The following DRC2 variants were observed in gnomAD, a reference collection of about 807,000 sequenced individuals.
DRC2 encodes dynein regulatory complex subunit 2.
chr12:48,913,023 G>A, the DRC2 span, among the ~76,000 whole-genome samples: 1 of 150,222 alleles, frequency 6.7e-6, no homozygotes, highest in Non-Finnish European at 1.5e-5. Context: ...TGTAGTCCCA[G>A]CTACTTGGGA....
At chr12:48,921,451 T>C in the DRC2 span, 14 of 1,600,548 alleles carry the variant, frequency 8.7e-6, no homozygotes, top group South Asian at 1.4e-4. Context: ...TAAAATATAA[T>C]TGAAGCAGCC....
At chr12:48,915,933 G>T in the DRC2 span, among the ~76,000 whole-genome samples, 23 of 150,896 alleles carry the variant, frequency 1.5e-4, 1 homozygote, top group Admixed American at 6.6e-5. Context: ...GGTGGCGGCC[G>T]GGCAGAGGCG....
At chr12:48,918,912 G>T in the DRC2 span, 1 of 1,344,304 alleles carries the variant, frequency 7.4e-7, no homozygotes, top group Non-Finnish European at 9.9e-7. Flanking sequence ...AGGTAACACA[G>T]GGGAGAGGAC....
At chr12:48,914,682 T>A in the DRC2 span, 5 of 998,706 alleles carry the variant, frequency 5.0e-6, no homozygotes, top group Non-Finnish European at 7.3e-6. Flanking sequence ...CATCCCACAT[T>A]GATTATCACG....
At chr12:48,905,708 T>A in the DRC2 span, among the ~76,000 whole-genome samples, 22 of 152,318 alleles carry the variant, frequency 1.4e-4, no homozygotes, top group Middle Eastern at 3.4e-3. Flanking sequence ...TCTGTACCCC[T>A]TCTTTTGTCT....
the DRC2 span, among the ~76,000 whole-genome samples, chr12:48,904,766 C>A: frequency 6.6e-6 from 1 of 152,200 alleles, no homozygotes; most frequent in African/African-American, 2.4e-5. Flanking sequence ...TAGGTCATTA[C>A]AAACAACATC....
At chr12:48,918,271 C>G in the DRC2 span, 1 of 1,613,432 alleles carries the variant, frequency 6.2e-7, no homozygotes, top group Non-Finnish European at 8.5e-7. Flanking sequence ...GGGTCACTTG[C>G]TAGAATTTAG....
chr12:48,918,324 A>G, the DRC2 span: 2 of 1,614,216 alleles, frequency 1.2e-6, no homozygotes, highest in Admixed American at 1.7e-5. Flanking sequence ...AACAGAGTAG[A>G]AGATCTGTGG....
the DRC2 span, chr12:48,918,759 T>C: frequency 6.2e-7 from 1 of 1,614,076 alleles, no homozygotes; most frequent in East Asian, 2.2e-5. Context: ...GGTATATCCG[T>C]AATGACAAGG....
the DRC2 span, chr12:48,921,350 C>T: frequency 1.2e-6 from 2 of 1,614,162 alleles, no homozygotes; most frequent in East Asian, 2.2e-5. Context: ...GCCAGCTCAA[C>T]CCACTCTTTA....
At chr12:48,914,854 TTTTTA>T in the DRC2 span, among the ~76,000 whole-genome samples, 3 of 152,008 alleles carry the variant, frequency 2.0e-5, no homozygotes, top group Admixed American at 2.0e-4. Context: ...TTGTTTTATT[TTTTTA>T]TTTTGTTTTG....
the DRC2 span, among the ~76,000 whole-genome samples, chr12:48,909,167 C>T: frequency 6.6e-6 from 1 of 151,844 alleles, no homozygotes; most frequent in African/African-American, 2.4e-5. Context: ...CCTCAGCCTC[C>T]CAAGTAGCTG....
At chr12:48,909,357 A>G in the DRC2 span, among the ~76,000 whole-genome samples, 1 of 152,056 alleles carries the variant, frequency 6.6e-6, no homozygotes, top group Non-Finnish European at 1.5e-5. Context: ...GCCTACCTGT[A>G]CTTTTCATAG....
At chr12:48,917,513 T>C in the DRC2 span, among the ~76,000 whole-genome samples, 4 of 151,516 alleles carry the variant, frequency 2.6e-5, no homozygotes, top group Non-Finnish European at 4.4e-5. Context: ...CTACTAGAAG[T>C]AGAAGAGACC....
chr12:48,905,791 G>C, the DRC2 span, among the ~76,000 whole-genome samples: 1 of 151,638 alleles, frequency 6.6e-6, no homozygotes, highest in Non-Finnish European at 1.5e-5. Context: ...TTATTTATTT[G>C]ACATGGAGTC....
the DRC2 span, chr12:48,914,490 C>T: frequency 1.2e-6 from 2 of 1,614,154 alleles, no homozygotes; most frequent in East Asian, 4.5e-5. Flanking sequence ...AGCTCTTGGC[C>T]CTGCAGAGGC....
chr12:48,905,008 G>A, the DRC2 span: 3 of 1,614,082 alleles, frequency 1.9e-6, no homozygotes, highest in Admixed American at 5.0e-5. Flanking sequence ...ACACACAGTG[G>A]AGAACTGTCC....
At chr12:48,905,236 A>G in the DRC2 span, 1 of 874,148 alleles carries the variant, frequency 1.1e-6, no homozygotes, top group South Asian at 2.1e-5. Flanking sequence ...GCTATTGGTA[A>G]TAATGGTTTT....
the DRC2 span, among the ~76,000 whole-genome samples, chr12:48,912,665 A>T: frequency 5.3e-4 from 80 of 152,142 alleles, no homozygotes; most frequent in African/African-American, 1.9e-3. Flanking sequence ...GGAAGAAGAG[A>T]CACCACCTTT....
Sources: allele counts gnomAD v4.1 joint callset (sites outside exome capture counted in the v4.1 genomes callset), GRCh38; gene constraint gnomAD v4.1.1; transcripts MANE v1.5; gene names NCBI Gene and HGNC (gene_info 2026-07-23, HGNC 2026-07-21).